ZNF385D: variants seen among roughly 807,000 people sequenced by gnomAD.
ZNF385D encodes the protein zinc finger protein 659.
In ZNF385D, 15 loss-of-function variants were observed where a neutral mutation model predicts 35.8. The ratio of observed to expected loss-of-function variants is 0.42; its 90% CI spans 0.28 to 0.64. The LOEUF (loss-of-function observed/expected upper bound fraction) is 0.64. Among genes scored for constraint, ZNF385D ranks in the 30% least tolerant of loss-of-function variants. The pLI is 0.23. For synonymous variants in ZNF385D, 212 were observed against 186.8 expected (o/e 1.13, Z -1.10); for missense variants, 474 against 494.6 (o/e 0.96, Z 0.39).
Position 21,882,104 on chromosome 3 carries a change from C to T in ZNF385D, c.326-217076G>A, listed in dbSNP as rs138933944. ...CAAAGGATTTAGAATATTACATTAA[C>T]TTAGTTAATAAATCAGTGGCAGAGT... On this transcript the variant is annotated intron_variant, in intron 3 of 5. Transcript: ENST00000494108. 3.8e-3 allele frequency among the ~76,000 whole-genome samples: 576 copies of T among 152,088 alleles called. 2 individuals are homozygous for T. The highest frequency in any genetic ancestry group is 6.1e-3 in the Non-Finnish European group (411 of 67,932).
intron 3 of ZNF385D, among the ~76,000 whole-genome samples, chr3:21,512,720 C>T (rs1020720011): frequency 1.3e-5 from 2 of 152,078 alleles, no homozygotes; most frequent in African/African-American, 2.4e-5. Flanking sequence ...GAGGAACCAG[C>T]GATAGATTGG....
chr3:21,971,924 T>C (rs1291753512), intron 3 of ZNF385D, among the ~76,000 whole-genome samples: 1 of 151,908 alleles, frequency 6.6e-6, no homozygotes, highest in Non-Finnish European at 1.5e-5. Context: ...TGTAAATATA[T>C]ATGCACCCAA....
intron 3 of ZNF385D, among the ~76,000 whole-genome samples, chr3:21,516,692 G>A (rs1707588921): frequency 6.6e-6 from 1 of 151,972 alleles, no homozygotes; most frequent in South Asian, 2.1e-4. Flanking sequence ...TCTACTCTTG[G>A]GGTTTACTAA....
rs532977723 is a variant in ZNF385D at position 21,705,924 on chromosome 3, G to C, written c.23-40896C>G. ...CCAAGCTCTGGTTGCCAAAGCCTCAGCCTGGGACATGTGCCCAGATGAGCT... is the reference window on the plus strand; with the variant it reads ...CCAAGCTCTGGTTGCCAAAGCCTCACCCTGGGACATGTGCCCAGATGAGCT... On this transcript the variant is annotated intron_variant, in intron 1 of 7. Coordinates refer to ENST00000281523, the MANE Select transcript of ZNF385D (RefSeq NM_024697.3). Among the ~76,000 whole-genome samples the C allele has an allele frequency of 3.9e-5, 6 of 152,298 alleles. No homozygotes were observed. In the East Asian group the frequency reaches 1.2e-3, roughly 29 times the overall value.
intron 3 of ZNF385D, among the ~76,000 whole-genome samples, chr3:21,560,801 C>T (rs2062916249): frequency 6.6e-6 from 1 of 152,184 alleles, no homozygotes; most frequent in Non-Finnish European, 1.5e-5. Flanking sequence ...TATCTATAAG[C>T]CCCTGACTGG....
chr3:21,451,442 C>T (rs768678824), intron 4 of ZNF385D, among the ~76,000 whole-genome samples: 2 of 151,820 alleles, frequency 1.3e-5, no homozygotes, highest in East Asian at 3.9e-4. Context: ...ATAAAGACTA[C>T]TTCTTTAACT....
intron 3 of ZNF385D, among the ~76,000 whole-genome samples, chr3:21,912,450 G>T (rs931013278): frequency 6.6e-6 from 1 of 152,048 alleles, no homozygotes; most frequent in African/African-American, 2.4e-5. Flanking sequence ...CTGCTTGATG[G>T]TAAAGGTAAA....
chr3:21,495,860 C>T (rs866767959), intron 4 of ZNF385D, among the ~76,000 whole-genome samples: 4 of 151,860 alleles, frequency 2.6e-5, no homozygotes, highest in South Asian at 2.1e-4. Context: ...AAATGATAAA[C>T]GAGATATGAC....
At chr3:21,453,354 G>A (rs1271544910) in intron 4 of ZNF385D, among the ~76,000 whole-genome samples, 1 of 151,944 alleles carries the variant, frequency 6.6e-6, no homozygotes, top group Non-Finnish European at 1.5e-5. Context: ...AACAAAATAA[G>A]TAATAGACTA....
upstream of ZNF385D, among the ~76,000 whole-genome samples, chr3:21,754,509 G>C (rs1292718384): frequency 2.6e-5 from 4 of 152,092 alleles, no homozygotes; most frequent in Non-Finnish European, 4.4e-5. Context: ...ATCATGGTTG[G>C]GTGAAAATTT....
intron 2 of ZNF385D, among the ~76,000 whole-genome samples, chr3:22,234,015 C>T (rs183130883): frequency 7.2e-5 from 11 of 152,224 alleles, no homozygotes; most frequent in Non-Finnish European, 1.3e-4. Context: ...AACAAATCTA[C>T]TCTACTATCT....
intron 3 of ZNF385D, among the ~76,000 whole-genome samples, chr3:22,036,213 T>C (rs932773406): frequency 2.0e-5 from 3 of 152,184 alleles, no homozygotes; most frequent in African/African-American, 7.2e-5. Context: ...GGGGTGAAGG[T>C]ACTCAATTCT....
intron 3 of ZNF385D, among the ~76,000 whole-genome samples, chr3:21,786,438 T>A (rs1439874307): frequency 6.6e-6 from 1 of 152,186 alleles, no homozygotes; most frequent in Non-Finnish European, 1.5e-5. Flanking sequence ...ATTTTAAACA[T>A]ACACAATTCA....
At chr3:22,264,734 T>G (rs1700810570) in intron 2 of ZNF385D, among the ~76,000 whole-genome samples, 1 of 152,020 alleles carries the variant, frequency 6.6e-6, no homozygotes. Context: ...AATGAATACT[T>G]GTTGCATGAT....
intron 2 of ZNF385D, among the ~76,000 whole-genome samples, chr3:22,315,598 T>G (rs548158123): frequency 1.3e-5 from 2 of 152,048 alleles, no homozygotes; most frequent in Admixed American, 6.6e-5. Context: ...TCACTGACAA[T>G]AGTGTTAAAC....
intron 1 of ZNF385D, among the ~76,000 whole-genome samples, chr3:21,724,477 CAAAAAAAAAAAAAAAAAAAAA>C (rs200803155): frequency 7.9e-4 from 41 of 52,022 alleles, no homozygotes; most frequent in African/African-American, 4.1e-3. Flanking sequence ...AATGGAAAGC[CAAAAAAAAAAAAAAAAAAAAA>C]AAAAAAAAAA....
chr3:22,068,991 C>T (rs1700101727), intron 3 of ZNF385D, among the ~76,000 whole-genome samples: 1 of 152,180 alleles, frequency 6.6e-6, no homozygotes, highest in Non-Finnish European at 1.5e-5. Flanking sequence ...CCCTTACCCT[C>T]AGCTTTAACC....
At chr3:22,246,341 G>A (rs1472332713) in intron 2 of ZNF385D, among the ~76,000 whole-genome samples, 1 of 152,066 alleles carries the variant, frequency 6.6e-6, no homozygotes, top group Non-Finnish European at 1.5e-5. Flanking sequence ...TCTGAAGCAT[G>A]TTCCCTACCA....
intron 2 of ZNF385D, among the ~76,000 whole-genome samples, chr3:22,259,612 C>A (rs984832170): frequency 3.3e-5 from 5 of 151,904 alleles, no homozygotes; most frequent in Non-Finnish European, 7.4e-5. Flanking sequence ...ATGTTTAATT[C>A]AAGTTTTGAG....
Sources: allele counts gnomAD v4.1 joint callset (sites outside exome capture counted in the v4.1 genomes callset), GRCh38; gene constraint gnomAD v4.1.1; transcripts MANE v1.5; gene names NCBI Gene and HGNC (gene_info 2026-07-23, HGNC 2026-07-21).